The following LRRC63 variants were observed in gnomAD, a reference collection of about 807,000 sequenced individuals.
LRRC63 encodes the protein leucine rich repeat containing 63.
In LRRC63, 40 loss-of-function variants were observed where a neutral mutation model predicts 49.5. The observed-to-expected ratio is 0.81, with a 90% confidence interval of 0.63 to 1.05. The LOEUF (loss-of-function observed/expected upper bound fraction) is 1.05. LRRC63 is among the 50% of genes least tolerant of loss of function. The probability of loss-of-function intolerance (pLI) is 0.00; values close to 1 mark genes in which losing one functional copy is unlikely to be tolerated. For synonymous variants in LRRC63, 191 were observed against 221.1 expected, an observed-to-expected ratio of 0.86 and a Z score of 1.21; for missense variants, 636 against 663.1, an observed-to-expected ratio of 0.96 and a Z score of 0.45.
chr13:46,265,947 A>G (rs545915057), intron 8 of LRRC63, among the ~76,000 whole-genome samples: 3 of 152,354 alleles, frequency 2.0e-5, no homozygotes, highest in Non-Finnish European at 4.4e-5. Context: ...CAGGAGTCAT[A>G]AATAAGTTAC....
rs59203118 is a variant in LRRC63, at chr13:46,213,467, C to T, written c.85+348C>T. On this transcript the variant is annotated intron_variant, in intron 2 of 9. Transcript: ENST00000595396. ...CAAGGCTACCTCTACCTTCTTGTTT[C>T]AGCTCTCATATTGTAAACGGGTACT... is the stretch of plus-strand genomic sequence containing the variant. Among the ~76,000 whole-genome samples the T allele has an allele frequency of 4.5e-3, 688 of 152,318 alleles. 4 individuals are homozygous for T. Among genetic ancestry groups the T allele is most frequent in the African/African-American group, 0.016 (655 of 41,580 alleles).
chr13:46,252,563 A>G (rs761595940), intron 7 of LRRC63, among the ~76,000 whole-genome samples: 2 of 152,214 alleles, frequency 1.3e-5, no homozygotes, highest in Admixed American at 6.6e-5. Context: ...ACAATTGAGT[A>G]AAGTAAAATA....
chr13:46,264,745 T>A (rs548599275), intron 8 of LRRC63, among the ~76,000 whole-genome samples: 1 of 151,942 alleles, frequency 6.6e-6, no homozygotes, highest in Non-Finnish European at 1.5e-5. Flanking sequence ...CCAATGGCAG[T>A]CACATAACAC....
chr13:46,260,626 G>A (rs1443538301), intron 7 of LRRC63, among the ~76,000 whole-genome samples: 2 of 152,172 alleles, frequency 1.3e-5, no homozygotes, highest in African/African-American at 4.8e-5. Context: ...ATCTCACCCA[G>A]TCTGAAGGAT....
chr13:46,219,032 C>T (rs1278402044), intron 2 of LRRC63, among the ~76,000 whole-genome samples: 3 of 152,180 alleles, frequency 2.0e-5, no homozygotes, highest in Non-Finnish European at 4.4e-5. Context: ...GCTGCCTTAA[C>T]ATTTTTTCCT....
intron 4 of LRRC63, among the ~76,000 whole-genome samples, chr13:46,229,131 C>T (rs2046668584): frequency 6.6e-6 from 1 of 151,968 alleles, no homozygotes; most frequent in Non-Finnish European, 1.5e-5. Flanking sequence ...GCAAATAATT[C>T]ACAATTACCA....
intron 5 of LRRC63, among the ~76,000 whole-genome samples, chr13:46,244,989 G>A (rs1236593700): frequency 6.6e-6 from 1 of 152,160 alleles, no homozygotes; most frequent in Non-Finnish European, 1.5e-5. Flanking sequence ...TAAAGATACT[G>A]ATGGTTAAAA....
At chr13:46,227,305 A>G (rs1425510122) in intron 2 of LRRC63, among the ~76,000 whole-genome samples, 1 of 152,096 alleles carries the variant, frequency 6.6e-6, no homozygotes, top group African/African-American at 2.4e-5. Context: ...ATCTAATACA[A>G]TTTAGCCTTG....
At chr13:46,214,983 G>A (rs1276502019) in intron 2 of LRRC63, among the ~76,000 whole-genome samples, 1 of 152,188 alleles carries the variant, frequency 6.6e-6, no homozygotes, top group East Asian at 1.9e-4. Flanking sequence ...TGATGTGTAT[G>A]TACCACATTT....
rs1214327634 is a variant in LRRC63, at chr13:46,276,235, T to TTA, written c.1551-355_1551-354insTA. On this transcript the variant is annotated intron_variant, in intron 9 of 9. Transcript: ENST00000595396. ...TTATTTTGTATCATAAAAAATAACA[T>TTA]GTTTATTATAAAAAATTAGAAAATA... Among the ~76,000 whole-genome samples, 506 of 152,118 alleles carry TTA rather than the reference T, an allele frequency of 3.3e-3. 2 individuals are homozygous for TTA. The highest frequency in any genetic ancestry group is 0.012 in the African/African-American group (478 of 41,536).
intron 9 of LRRC63, among the ~76,000 whole-genome samples, chr13:46,274,348 T>A (rs992412311): frequency 9.9e-5 from 15 of 152,184 alleles, no homozygotes; most frequent in African/African-American, 3.6e-4. Context: ...ACCACTGTCA[T>A]CCTCCAGTGT....
At chr13:46,275,485 A>G (rs1257935114) in intron 9 of LRRC63, among the ~76,000 whole-genome samples, 1 of 151,812 alleles carries the variant, frequency 6.6e-6, no homozygotes, top group Non-Finnish European at 1.5e-5. Context: ...AGCATTTTTT[A>G]CTTTTTGTCT....
chr13:46,247,956 TA>T (rs1469666200), intron 6 of LRRC63, among the ~76,000 whole-genome samples: 2 of 152,060 alleles, frequency 1.3e-5, no homozygotes, highest in Non-Finnish European at 2.9e-5. Flanking sequence ...CTGTAACATA[TA>T]TGGATATGAT....
chr13:46,240,200 C>A (rs1409048685), intron 5 of LRRC63, among the ~76,000 whole-genome samples: 1 of 150,076 alleles, frequency 6.7e-6, no homozygotes, highest in African/African-American at 2.5e-5. Flanking sequence ...GATCTTGGCT[C>A]ACTGCAAGCT....
At chr13:46,234,608 GTAT>G (rs2046855613) in intron 5 of LRRC63, among the ~76,000 whole-genome samples, 1 of 152,024 alleles carries the variant, frequency 6.6e-6, no homozygotes, top group Non-Finnish European at 1.5e-5. Flanking sequence ...CAGATTTATT[GTAT>G]TTTTAAGTTA....
exon 5 of LRRC63, chr13:46,234,319 A>G (rs2046846143): frequency 6.5e-7 from 1 of 1,550,058 alleles, no homozygotes; most frequent in African/African-American, 1.4e-5. Flanking sequence ...TAAACTGTCA[A>G]GTATATGGGA....
chr13:46,272,981 A>C (rs2047780709), intron 9 of LRRC63, among the ~76,000 whole-genome samples: 1 of 152,194 alleles, frequency 6.6e-6, no homozygotes, highest in Non-Finnish European at 1.5e-5. Flanking sequence ...CCAGTGATTG[A>C]AGAGAGGAAT....
At chr13:46,261,829 GCCTAC>G in intron 7 of LRRC63, 75 bp from the exon 8 acceptor site, 1 of 404,522 alleles carries the variant, frequency 2.5e-6, no homozygotes, top group Non-Finnish European at 4.3e-6. Flanking sequence ...CTATACTCCT[GCCTAC>G]TTACTCAAGT....
chr13:46,271,321 C>T (rs190168449), intron 9 of LRRC63, among the ~76,000 whole-genome samples: 23 of 152,218 alleles, frequency 1.5e-4, no homozygotes, highest in African/African-American at 4.3e-4. Context: ...AAACCTAACC[C>T]GCCTTTCTTA....
Sources: gnomAD v4.1 joint callset for allele counts (sites outside exome capture counted in the v4.1 genomes callset) on GRCh38, gnomAD v4.1.1 for gene constraint, MANE v1.5 for transcripts, NCBI Gene and HGNC (gene_info 2026-07-23, HGNC 2026-07-21) for gene names.